TMIGD3: variants seen among roughly 807,000 people sequenced by gnomAD.
TMIGD3 encodes the protein AD026 protein (AD026).
In TMIGD3, 21 loss-of-function variants were observed where a neutral mutation model predicts 28.1. The observed-to-expected ratio is 0.75, with a 90% confidence interval of 0.53 to 1.08. The LOEUF is 1.08. TMIGD3 is among the 50% of genes least tolerant of loss of function. The pLI is 0.00. For synonymous variants in TMIGD3, 151 were observed against 162.1 expected (o/e 0.93, Z 0.52); for missense variants, 416 against 435.6 (o/e 0.96, Z 0.40).
chr1:111,491,243 C>A (rs1242668780), intron 1 of TMIGD3, among the ~76,000 whole-genome samples: 1 of 152,232 alleles, frequency 6.6e-6, no homozygotes, highest in Admixed American at 6.5e-5. Context: ...TGCCAGCTGT[C>A]AGTAGCCTGC....
intron 1 of TMIGD3, among the ~76,000 whole-genome samples, chr1:111,561,412 G>A (rs976858382): frequency 9.2e-5 from 14 of 152,168 alleles, no homozygotes; most frequent in African/African-American, 3.1e-4. Flanking sequence ...GTGAGCCACC[G>A]TGCCCAGCTC....
At chr1:111,541,665 T>TGA (rs144983634) in intron 1 of TMIGD3, among the ~76,000 whole-genome samples, 14 of 141,858 alleles carry the variant, frequency 9.9e-5, no homozygotes, top group South Asian at 9.0e-4. Context: ...ACAAGGAAAA[T>TGA]GAGAGAGAGA....
In TMIGD3 at chr1:111,500,163, G is replaced by T. The variant is rs775520448; in HGVS notation, c.350+2842C>A. The stretch of plus-strand genomic sequence containing the variant: ...CATTAAAGTAGATGATGCAGTTGAT[G>T]ATAGATAAAGGCAGCCATGACAGAG... On this transcript the variant is annotated intron_variant, in intron 1 of 5. Transcript: ENST00000369716. The T allele has an allele frequency of 2.5e-6, 4 of 1,614,198 alleles. No homozygotes were observed. In the South Asian group the frequency reaches 4.4e-5, roughly 18 times the overall value.
chr1:111,497,204 G>A lies in TMIGD3; in HGVS notation c.350+5801C>T, dbSNP rs549506067. Among the ~76,000 whole-genome samples, 73 of 152,156 alleles carry A rather than the reference G, an allele frequency of 4.8e-4. 1 individual carries two copies. The highest frequency in any genetic ancestry group is 1.6e-3 in the African/African-American group (66 of 41,520). On this transcript the variant is annotated intron_variant, in intron 1 of 5. Coordinates refer to ENST00000369716, the MANE Select transcript of TMIGD3 (RefSeq NM_020683.7). ...CGGCTCACTGCAAGCTCCGCCTCCC[G>A]GGTTCACACCATTCTCCTGCCTCAG...
At chr1:111,563,843 C>T in intron 1 of TMIGD3, 1 of 1,611,402 alleles carries the variant, frequency 6.2e-7, no homozygotes, top group Non-Finnish European at 8.5e-7. Flanking sequence ...TGCTATGACT[C>T]ACTGTGACTC....
At chr1:111,489,428 T>C in intron 2 of TMIGD3, 1 of 431,228 alleles carries the variant, frequency 2.3e-6, no homozygotes, top group Non-Finnish European at 3.3e-6. Flanking sequence ...GGCCTCAGAA[T>C]GAAACCAAAC....
chr1:111,536,033 C>T (rs567056337), intron 1 of TMIGD3, among the ~76,000 whole-genome samples: 25 of 152,224 alleles, frequency 1.6e-4, no homozygotes, highest in South Asian at 1.0e-3. Flanking sequence ...GAATTTCGTT[C>T]CATTTAAGTC....
chr1:111,554,972 TAGTTATTAATGGCTACAGAATATTTTTTA>T (rs1400237773), intron 1 of TMIGD3, among the ~76,000 whole-genome samples: 1 of 151,640 alleles, frequency 6.6e-6, no homozygotes, highest in Non-Finnish European at 1.5e-5. Flanking sequence ...ACTTTAAATG[TAGTTATTAATGGCTACAGAATATTTTTTA>T]AGTATATATA....
intron 1 of TMIGD3, among the ~76,000 whole-genome samples, chr1:111,527,316 A>G (rs1428004744): frequency 6.6e-6 from 1 of 152,144 alleles, no homozygotes; most frequent in Non-Finnish European, 1.5e-5. Context: ...CTGACCCTCC[A>G]TGTCTTTCCA....
At chr1:111,485,945 A>C in intron 4 of TMIGD3, 105 bp from the exon 5 acceptor site, 3 of 827,006 alleles carry the variant, frequency 3.6e-6, no homozygotes, top group South Asian at 1.7e-5. Flanking sequence ...CCACCCCCCA[A>C]CCCAGTTACA....
intron 1 of TMIGD3, among the ~76,000 whole-genome samples, chr1:111,497,841 GCAACGTAGTGTA>G (rs1427332857): frequency 3.9e-5 from 6 of 152,288 alleles, no homozygotes; most frequent in Non-Finnish European, 7.4e-5. Context: ...TGTTTCTATG[GCAACGTAGTGTA>G]CAACGTAGTG....
chr1:111,506,011 CTT>C (rs1324525868), upstream of TMIGD3, among the ~76,000 whole-genome samples: 9 of 152,174 alleles, frequency 5.9e-5, no homozygotes, highest in Admixed American at 5.9e-4. Context: ...TGCACACACT[CTT>C]TGTCTGGTTT....
chr1:111,485,972 G>A (rs572460625), intron 4 of TMIGD3, 132 bp from the exon 5 acceptor site: 74 of 653,138 alleles, frequency 1.1e-4, no homozygotes, highest in African/African-American at 7.7e-4. Flanking sequence ...TCTGGGAACC[G>A]TATTCCTTTA....
At chr1:111,504,811 A>G, upstream of TMIGD3, 1 of 967,752 alleles carries the variant, frequency 1.0e-6, no homozygotes, top group Non-Finnish European at 1.2e-6. Context: ...CATTGATTCC[A>G]CTCCCGACCC....
chr1:111,518,943 G>C (rs1266588851), intron 1 of TMIGD3, among the ~76,000 whole-genome samples: 2 of 151,530 alleles, frequency 1.3e-5, no homozygotes, highest in Admixed American at 6.6e-5. Context: ...TTGTTTGTTT[G>C]TTTTTTGTTT....
intron 1 of TMIGD3, among the ~76,000 whole-genome samples, chr1:111,529,862 C>A (rs1462249894): frequency 2.0e-5 from 3 of 152,144 alleles, no homozygotes; most frequent in Non-Finnish European, 4.4e-5. Context: ...TCATCATGGC[C>A]CGTTCTCAAT....
intron 1 of TMIGD3, among the ~76,000 whole-genome samples, chr1:111,558,987 T>C (rs1657625884): frequency 6.6e-6 from 1 of 152,140 alleles, no homozygotes; most frequent in African/African-American, 2.4e-5. Flanking sequence ...TTCTAACATA[T>C]TAAAAATAAT....
intron 1 of TMIGD3, among the ~76,000 whole-genome samples, chr1:111,550,358 C>G (rs979985660): frequency 6.6e-6 from 1 of 151,862 alleles, no homozygotes; most frequent in Non-Finnish European, 1.5e-5. Context: ...TATTTTCTTC[C>G]TTTTTCTTGC....
intron 1 of TMIGD3, among the ~76,000 whole-genome samples, chr1:111,514,697 T>C (rs1399774767): frequency 6.6e-6 from 1 of 151,474 alleles, no homozygotes; most frequent in Non-Finnish European, 1.5e-5. Flanking sequence ...CTTAAAGTCA[T>C]GGTAAAAAGA....
Sources: gnomAD v4.1 joint callset for allele counts (sites outside exome capture counted in the v4.1 genomes callset) on GRCh38, gnomAD v4.1.1 for gene constraint, MANE v1.5 for transcripts, NCBI Gene and HGNC (gene_info 2026-07-23, HGNC 2026-07-21) for gene names.